RBFOX1: variants seen among roughly 807,000 people sequenced by gnomAD.
RBFOX1 encodes the protein RNA binding fox-1 homolog 1, also known as RNA binding protein fox-1 homolog 1.
In RBFOX1, 8 loss-of-function variants were observed where a neutral mutation model predicts 57.7. That is an observed-to-expected ratio of 0.14 (90% CI 0.08 to 0.25). The LOEUF is 0.25. Among genes scored for constraint, RBFOX1 ranks in the 10% least tolerant of loss-of-function variants. The pLI, the probability that RBFOX1 is intolerant of heterozygous loss-of-function variation, is 1.00. For missense variants in RBFOX1, 611 were observed against 548.5 expected (o/e 1.11, Z -1.14); for synonymous variants, 326 against 222.4 (o/e 1.47, Z -4.15).
At chr16:6,701,042 G>A (rs34455162) in intron 3 of RBFOX1, among the ~76,000 whole-genome samples, 1 of 151,972 alleles carries the variant, frequency 6.6e-6, no homozygotes, top group Non-Finnish European at 1.5e-5. Flanking sequence ...CAGAGGGGGG[G>A]GTGAGTCAGA....
At chr16:7,457,130 G>A (rs2058687086) in intron 4 of RBFOX1, among the ~76,000 whole-genome samples, 1 of 151,870 alleles carries the variant, frequency 6.6e-6, no homozygotes, top group Non-Finnish European at 1.5e-5. Context: ...CAGGAGATCC[G>A]CCTGCCTCAG....
chr16:6,352,277 AG>A lies in RBFOX1; in HGVS notation c.-64+35226del, dbSNP rs539644191. On this transcript the variant is annotated intron_variant, in intron 2 of 15. Transcript: ENST00000550418. ...TCTAGTTTATAAATGCTATTTAGGCAGGGGGGTTGTTTCTTTTGTTGCTAGG... is the reference window on the plus strand; with the variant it reads ...TCTAGTTTATAAATGCTATTTAGGCAGGGGGTTGTTTCTTTTGTTGCTAGG... Among the ~76,000 whole-genome samples the A allele has an allele frequency of 2.6e-5, 4 of 152,242 alleles. No individual in the cohort carries two copies. In the South Asian group the frequency reaches 8.3e-4, roughly 32 times the overall value.
intron 2 of RBFOX1, among the ~76,000 whole-genome samples, chr16:5,554,481 C>G (rs1479232027): frequency 6.6e-6 from 1 of 152,010 alleles, no homozygotes; most frequent in Admixed American, 6.6e-5. Flanking sequence ...AAAATACAAA[C>G]CATATAAAAA....
intron 4 of RBFOX1, among the ~76,000 whole-genome samples, chr16:7,195,754 T>C (rs1216324005): frequency 6.6e-6 from 1 of 152,152 alleles, no homozygotes; most frequent in Non-Finnish European, 1.5e-5. Flanking sequence ...GATTTCACCG[T>C]GTTGGCCAGA....
chr16:6,807,271 T>C (rs947913162), intron 3 of RBFOX1, among the ~76,000 whole-genome samples: 3 of 151,862 alleles, frequency 2.0e-5, no homozygotes, highest in Non-Finnish European at 4.4e-5. Flanking sequence ...TTGAGGGAGA[T>C]GATGGGAACT....
intron 1 of RBFOX1, among the ~76,000 whole-genome samples, chr16:6,087,064 A>G (rs77781044): frequency 0.023 from 3,542 of 152,292 alleles, 166 homozygotes; most frequent in East Asian, 0.18. Flanking sequence ...GATATCCACA[A>G]TGTCCCAAAA....
At chr16:5,707,478 G>A (rs1044846651) in intron 3 of RBFOX1, among the ~76,000 whole-genome samples, 3 of 152,194 alleles carry the variant, frequency 2.0e-5, no homozygotes, top group Non-Finnish European at 4.4e-5. Context: ...AACCACTAAA[G>A]ATGCCAGGTC....
chr16:6,527,400 G>A (rs796317648), intron 2 of RBFOX1, among the ~76,000 whole-genome samples: 4 of 151,834 alleles, frequency 2.6e-5, no homozygotes, highest in East Asian at 1.9e-4. Flanking sequence ...AGGCTACTTC[G>A]TCCTTCCCCC....
chr16:6,540,959 C>T (rs2096807338), intron 2 of RBFOX1, among the ~76,000 whole-genome samples: 2 of 152,092 alleles, frequency 1.3e-5, no homozygotes, highest in African/African-American at 2.4e-5. Flanking sequence ...GAAATTCCTG[C>T]CAGAACCCCC....
intron 4 of RBFOX1, among the ~76,000 whole-genome samples, chr16:7,208,475 G>A (rs532975436): frequency 2.0e-5 from 3 of 152,290 alleles, no homozygotes; most frequent in South Asian, 4.1e-4. Context: ...AAGGGAGCTG[G>A]TATGTGCAGA....
chr16:6,959,915 G>A (rs781114162), intron 3 of RBFOX1, among the ~76,000 whole-genome samples: 15 of 152,182 alleles, frequency 9.9e-5, no homozygotes, highest in Admixed American at 7.9e-4. Context: ...TAGCCTGGGC[G>A]ACAAGAGCGA....
intron 3 of RBFOX1, among the ~76,000 whole-genome samples, chr16:6,829,718 C>T (rs1417185370): frequency 1.3e-5 from 2 of 152,046 alleles, no homozygotes; most frequent in Non-Finnish European, 2.9e-5. Context: ...TCTTCTGTCT[C>T]AGCCTCCTGA....
chr16:6,627,931 A>G (rs766023859), intron 2 of RBFOX1, among the ~76,000 whole-genome samples: 29 of 152,326 alleles, frequency 1.9e-4, no homozygotes, highest in South Asian at 4.1e-4. Context: ...GCCATCCTCA[A>G]CTGTCTCCTG....
chr16:5,473,126 C>A (rs998513104), intron 2 of RBFOX1, among the ~76,000 whole-genome samples: 1 of 152,196 alleles, frequency 6.6e-6, no homozygotes, highest in African/African-American at 2.4e-5. Flanking sequence ...TTGCCCTGTT[C>A]TGTCTTTTCC....
intron 2 of RBFOX1, among the ~76,000 whole-genome samples, chr16:6,329,397 G>A (rs1161821565): frequency 6.6e-6 from 1 of 152,222 alleles, no homozygotes; most frequent in Non-Finnish European, 1.5e-5. Context: ...TAGACAGCAT[G>A]CAAAAGCTGG....
chr16:6,755,524 G>A (rs771528537), intron 3 of RBFOX1, among the ~76,000 whole-genome samples: 10 of 152,090 alleles, frequency 6.6e-5, no homozygotes, highest in Non-Finnish European at 1.3e-4. Context: ...AAGATAACCC[G>A]TCAGAACACC....
At chr16:7,215,750 A>C (rs1054918302) in intron 4 of RBFOX1, among the ~76,000 whole-genome samples, 1 of 124,200 alleles carries the variant, frequency 8.1e-6, no homozygotes, top group Non-Finnish European at 1.6e-5. Flanking sequence ...TTTGAGACGG[A>C]GTCTTGCTCT....
intron 4 of RBFOX1, among the ~76,000 whole-genome samples, chr16:7,131,223 G>T: frequency 6.6e-6 from 1 of 151,836 alleles, no homozygotes; most frequent in East Asian, 1.9e-4. Context: ...TCGCACACCT[G>T]TAGTCTCAGC....
chr16:5,752,930 C>T (rs924305346), intron 3 of RBFOX1, among the ~76,000 whole-genome samples: 1 of 152,140 alleles, frequency 6.6e-6, no homozygotes, highest in African/African-American at 2.4e-5. Context: ...AAGAGGATCG[C>T]TTGAGCCTAG....
Sources: allele counts gnomAD v4.1 joint callset (sites outside exome capture counted in the v4.1 genomes callset), GRCh38; gene constraint gnomAD v4.1.1; transcripts MANE v1.5; gene names NCBI Gene and HGNC (gene_info 2026-07-23, HGNC 2026-07-21).